CPT1A: variants seen among roughly 807,000 people sequenced by gnomAD.
CPT1A encodes the protein carnitine O-palmitoyltransferase 1, liver isoform.
CPT1A carries 64 observed loss-of-function variants against 100.8 expected under a neutral mutation model. The observed-to-expected ratio is 0.63, with a 90% confidence interval of 0.52 to 0.78. CPT1A has a LOEUF of 0.78. CPT1A is among the 30% of genes least tolerant of loss of function. The probability of loss-of-function intolerance (pLI) is 0.00; values close to 1 mark genes in which losing one functional copy is unlikely to be tolerated. For synonymous variants in CPT1A, 363 were observed against 396.0 expected (o/e 0.92, Z 0.99); for missense variants, 802 against 1,034.1 (o/e 0.78, Z 3.08).
chr11:68,789,363 C>T (rs12364396), intron 9 of CPT1A, among the ~76,000 whole-genome samples: 12,580 of 151,610 alleles, frequency 0.083, 622 homozygotes, highest in Non-Finnish European at 0.1. Context: ...TGATCACCAA[C>T]GAATGGCATT....
rs58382550 is a variant in CPT1A at position 68,804,323 on chromosome 11, C to G, written c.454-222G>C. Among the ~76,000 whole-genome samples the G allele has an allele frequency of 0.023, 3,537 of 152,272 alleles. 136 individuals are homozygous for G. The highest frequency in any genetic ancestry group is 0.08 in the African/African-American group (3,314 of 41,524). ...TTTTCTGTGTCGATTTATTTTTCAT[C>G]TGGTCCATCTTTTACCCGCCCCATA... On this transcript the variant is annotated intron_variant, in intron 4 of 18. Transcript: ENST00000265641.
intron 9 of CPT1A, among the ~76,000 whole-genome samples, chr11:68,787,293 G>A (rs190012339): frequency 4.3e-4 from 66 of 152,034 alleles, no homozygotes; most frequent in Admixed American, 1.5e-3. Flanking sequence ...AAAATTAGCC[G>A]GGCATGGTGG....
rs1855404112 is a variant in CPT1A at position 68,784,687 on chromosome 11, G to C, written c.1163+128C>G. ...AGACCTGCCAAGCCGGGAGACCCCA[G>C]AGAAAAACAGAGCCGAGGTGGGGAG... is the stretch of plus-strand genomic sequence containing the variant. On this transcript the variant is annotated intron_variant, in intron 10 of 18. Coordinates refer to ENST00000265641, the MANE Select transcript of CPT1A (RefSeq NM_001876.4). 4 of 907,390 alleles carry C rather than the reference G, an allele frequency of 4.4e-6. No homozygotes were observed. In the South Asian group the frequency reaches 6.1e-5, roughly 14 times the overall value. 56.2% of individuals were successfully genotyped at this position (907,390 alleles called of 1,614,324 possible).
Position 68,775,388 on chromosome 11 carries a change from A to G in CPT1A, c.1503T>C (p.Asp501=). Residue 501 remains aspartate, a synonymous_variant, in exon 13 of 19, where the codon GAT becomes GAC. Coordinates refer to ENST00000265641, the MANE Select transcript of CPT1A (RefSeq NM_001876.4). ...GATTGATGTCGCCTTTGCAGTGCCC[A>G]TCCTCCGCATAGCCCAGCTGGAGGC... ...IDSLQLGYAE[D]GHCKGDINPN... 1 of 1,614,220 alleles carries G rather than the reference A, an allele frequency of 6.2e-7. No individual in the cohort carries two copies. Among genetic ancestry groups the G allele is most frequent in the South Asian group, 1.1e-5 (1 of 91,086 alleles).
intron 9 of CPT1A, among the ~76,000 whole-genome samples, chr11:68,788,630 T>TAAAAAAAAAAAAAAAAAAAAAAAAGAA (rs1855534592): frequency 3.6e-5 from 1 of 27,548 alleles, no homozygotes; most frequent in African/African-American, 1.4e-4. Context: ...CAAACAAAAG[T>TAAAAAAAAAAAAAAAAAAAAAAAAGAA]AAAAAAAAAA....
rs1855285264 is a variant in CPT1A, at chr11:68,780,727, G to A, written c.1371C>T (p.Phe457=). 1 of 1,614,194 alleles carries A rather than the reference G, an allele frequency of 6.2e-7. No homozygotes were observed. Among genetic ancestry groups the A allele is most frequent in the African/African-American group, 1.3e-5 (1 of 75,066 alleles). Residue 457 remains phenylalanine, a synonymous_variant, in exon 12 of 19, where the codon TTC becomes TTT. Transcript: ENST00000265641. The part of the protein sequence containing the change: ...RCYDRWFDKS[F]TFVVFKNGKM... Reference sequence around the variant, plus strand: ...TCCCGTTTTTGAAGACAACAAACGTGAACGACTTGTCAAACCACCTACGTG... The same window carrying A: ...TCCCGTTTTTGAAGACAACAAACGTAAACGACTTGTCAAACCACCTACGTG...
intron 1 of CPT1A, among the ~76,000 whole-genome samples, chr11:68,827,030 A>C (rs1856750729): frequency 1.3e-5 from 2 of 152,150 alleles, no homozygotes; most frequent in Admixed American, 6.6e-5. Flanking sequence ...TGGGGTGTCC[A>C]GGTGGAAGAA....
At chr11:68,775,544 C>T (rs1594329225) in intron 12 of CPT1A, 112 bp from the exon 13 acceptor site, 1 of 857,040 alleles carries the variant, frequency 1.2e-6, no homozygotes, top group South Asian at 1.4e-5. Flanking sequence ...GTTTGAATCA[C>T]AGCTGTTAAG....
At chr11:68,814,283 T>G (rs982925489) in intron 2 of CPT1A, among the ~76,000 whole-genome samples, 1 of 152,182 alleles carries the variant, frequency 6.6e-6, no homozygotes, top group Admixed American at 6.5e-5. Context: ...TCAACTGTAT[T>G]TGAACTTGTG....
intron 13 of CPT1A, 54 bp from the exon 14 acceptor site, chr11:68,773,483 G>A: frequency 6.2e-7 from 1 of 1,612,218 alleles, no homozygotes; most frequent in African/African-American, 1.3e-5. Flanking sequence ...AAGTACTGAC[G>A]CACACCCAGA....
intron 2 of CPT1A, among the ~76,000 whole-genome samples, chr11:68,814,473 A>AT (rs1856323960): frequency 6.6e-6 from 1 of 151,440 alleles, no homozygotes; most frequent in African/African-American, 2.4e-5. Flanking sequence ...CGCCCGGCTA[A>AT]TTTTTTGTAT....
rs1380436938 is a variant in CPT1A, at chr11:68,756,611, G to A, written c.*1033C>T. 2 of 152,300 alleles carry A rather than the reference G, an allele frequency of 1.3e-5. No homozygotes were observed. The highest frequency in any genetic ancestry group is 2.4e-5 in the African/African-American group (1 of 41,438). 9.4% of individuals were successfully genotyped at this position (152,300 alleles called of 1,614,324 possible). On this transcript the variant is annotated 3_prime_UTR_variant, in exon 19 of 19. Coordinates refer to ENST00000265641, the MANE Select transcript of CPT1A (RefSeq NM_001876.4). Reference sequence around the variant, plus strand: ...CTGCCCTCCCCTTCCTCACTTGCTAGTCCCCGCTTGGTGGCCGATGCCCTG... The same window carrying A: ...CTGCCCTCCCCTTCCTCACTTGCTAATCCCCGCTTGGTGGCCGATGCCCTG...
intron 6 of CPT1A, among the ~76,000 whole-genome samples, chr11:68,797,732 C>A (rs528790762): frequency 1.7e-4 from 26 of 152,314 alleles, no homozygotes; most frequent in African/African-American, 6.0e-4. Context: ...CATCCCAGCA[C>A]TTTGGGAGAC....
Position 68,779,353 on chromosome 11 carries a change from G to A in CPT1A, c.1458+1287C>T, listed in dbSNP as rs1855234738. On this transcript the variant is annotated intron_variant, in intron 12 of 18. Transcript: ENST00000265641. ...AACAAGTGACCACAGTATTTTCTGT[G>A]TCAAGTCTACGGATGATGATCCTAG... 2.0e-5 allele frequency among the ~76,000 whole-genome samples: 3 copies of A among 152,190 alleles called. 1 individual carries two copies. In the South Asian group the frequency reaches 6.2e-4, roughly 32 times the overall value.
rs558299445 is a variant in CPT1A at position 68,812,353 on chromosome 11, C to T, written c.281+84G>A. On this transcript the variant is annotated intron_variant, in intron 3 of 18. Transcript: ENST00000265641. ...CTTCATATGGAATCCAGAACAGTGA[C>T]AATCATCACATTTGAAGAGACATAA... The T allele has an allele frequency of 1.3e-3, 1,984 of 1,538,772 alleles. 1 individual carries two copies. The highest frequency in any genetic ancestry group is 1.7e-3 in the Non-Finnish European group (1,850 of 1,112,414).
At chr11:68,821,099 T>G (rs1313060778) in intron 1 of CPT1A, among the ~76,000 whole-genome samples, 3 of 152,156 alleles carry the variant, frequency 2.0e-5, no homozygotes, top group Non-Finnish European at 4.4e-5. Context: ...ACCTCTAGAG[T>G]AGCTGGGACT....
chr11:68,842,056 C>T, upstream of CPT1A: 1 of 753,180 alleles, frequency 1.3e-6, no homozygotes, highest in African/African-American at 1.9e-5. Context: ...TGCTCGCGTC[C>T]TCGACCTCTG....
At chr11:68,780,868 G>A in intron 11 of CPT1A, 123 bp from the exon 12 acceptor site, 1 of 740,182 alleles carries the variant, frequency 1.4e-6, no homozygotes, top group Admixed American at 2.0e-5. Context: ...CTAACAGTGA[G>A]CAGACACTCA....
Position 68,757,708 on chromosome 11 carries a change from T to C in CPT1A, c.2258A>G (p.His753Arg). 2 of 1,614,126 alleles carry C rather than the reference T, an allele frequency of 1.2e-6. No homozygotes were observed. The highest frequency in any genetic ancestry group is 1.7e-6 in the Non-Finnish European group (2 of 1,180,028). The change falls in exon 19 of 19, where the codon CAC (histidine) becomes CGC (arginine). Residue 753 changes from histidine to arginine, a missense_variant. This residue lies in a region of CPT1A where 627 missense variants were observed against 799.3 expected (regional missense o/e 0.78). Transcript: ENST00000265641. ...GATGTCAGTCATTGCTTCTTTCAGG[T>C]GCCTTCCAAAGCGATGAGAATCCTT... is the stretch of plus-strand genomic sequence containing the variant. ...PETDSHRFGR[H>R]LKEAMTDIIT... is the part of the protein sequence containing the mutation.
Sources: gnomAD v4.1 joint callset for allele counts (sites outside exome capture counted in the v4.1 genomes callset) on GRCh38, gnomAD v4.1.1 for gene constraint, gnomAD v4.1.1 regional missense constraint, MANE v1.5 for transcripts, NCBI Gene and HGNC (gene_info 2026-07-23, HGNC 2026-07-21) for gene names.